Variants in FLT1 observed in about 807,000 individuals in gnomAD.
The protein encoded by FLT1 is fms related receptor tyrosine kinase 1, also known as vascular endothelial growth factor receptor 1.
In FLT1, 49 loss-of-function variants were observed where a neutral mutation model predicts 156.3. That is an observed-to-expected ratio of 0.31 (90% CI 0.25 to 0.40). The LOEUF (loss-of-function observed/expected upper bound fraction) is 0.40, where lower values mean the gene tolerates loss of function less well. FLT1 is among the 10% of genes least tolerant of loss of function. The pLI is 1.00. For synonymous variants in FLT1, 594 were observed against 583.8 expected, an observed-to-expected ratio of 1.02 and a Z score of -0.25; for missense variants, 1,322 against 1,637.2, an observed-to-expected ratio of 0.81 and a Z score of 3.32.
intron 1 of FLT1, among the ~76,000 whole-genome samples, chr13:28,482,101 G>A (rs966675695): frequency 4.6e-5 from 7 of 152,084 alleles, no homozygotes; most frequent in Non-Finnish European, 1.0e-4. Flanking sequence ...CTATAAAATC[G>A]GGATCAGGAG....
In FLT1 at chr13:28,396,964, G is replaced by C; in HGVS notation, c.1656C>G (p.Ile552Met). 6.4e-7 allele frequency: 1 copy of C among 1,566,580 alleles called. No homozygotes were observed. The highest frequency in any genetic ancestry group is 8.8e-7 in the Non-Finnish European group (1 of 1,136,686). ...GTVGRNISFY[I>M]TDVPNGFHVN... ...GTTATAGGATGTGTGGCTTACCTGT[G>C]ATATAAAAGCTTATGTTTCTTCCCA... Residue 552 changes from isoleucine to methionine, a missense_variant, in exon 12 of 30, where the codon ATC becomes ATG. Physicochemically the swap from Ile to Met is conservative, Grantham distance 10 (BLOSUM62 1). Transcript: ENST00000282397.
chr13:28,333,244 CTGGAGACTTTG>C, intron 18 of FLT1, among the ~76,000 whole-genome samples: 1 of 152,314 alleles, frequency 6.6e-6, no homozygotes, highest in South Asian at 2.1e-4. Context: ...CAGCAGTATC[CTGGAGACTTTG>C]GAAAGTTAAA....
intron 12 of FLT1, among the ~76,000 whole-genome samples, chr13:28,395,068 T>C (rs1246452275): frequency 2.0e-5 from 3 of 152,168 alleles, no homozygotes; most frequent in Non-Finnish European, 4.4e-5. Context: ...TTAGTTTTTC[T>C]GCACGGCCAG....
chr13:28,384,160 G>A (rs1333956823), intron 14 of FLT1, among the ~76,000 whole-genome samples: 6 of 152,148 alleles, frequency 3.9e-5, no homozygotes, highest in South Asian at 2.1e-4. Flanking sequence ...CTGGCCAGAC[G>A]CAGTGGCATG....
chr13:28,399,267 T>A (rs1875273968), intron 11 of FLT1: 1 of 505,120 alleles, frequency 2.0e-6, no homozygotes, highest in South Asian at 4.3e-5. Context: ...TCCAGCACTG[T>A]TTTTTTTATG....
chr13:28,451,571 G>T (rs982052293), intron 3 of FLT1, among the ~76,000 whole-genome samples: 5 of 152,104 alleles, frequency 3.3e-5, no homozygotes, highest in Admixed American at 2.6e-4. Flanking sequence ...TGGGTTTTCC[G>T]AGAGGACAGC....
chr13:28,358,619 G>C (rs138203644), intron 14 of FLT1, among the ~76,000 whole-genome samples: 1 of 152,220 alleles, frequency 6.6e-6, no homozygotes, highest in East Asian at 1.9e-4. Context: ...CCATCAGTTC[G>C]TGTTACAAAA....
Position 28,317,523 on chromosome 13 carries a change from C to T in FLT1, c.3361G>A (p.Ala1121Thr). ...SRLREGMRMR[A>T]PEYSTPEIYQ... ...ATTTCAGGAGTAGAGTACTCAGGAGCTCTCATCCTCATGCCTTCCCTCAGG... is the reference window on the plus strand; with the variant it reads ...ATTTCAGGAGTAGAGTACTCAGGAGTTCTCATCCTCATGCCTTCCCTCAGG... Residue 1121 changes from alanine to threonine, a missense_variant, in exon 25 of 30, where the codon GCT becomes ACT. Around this residue, in one of 3 missense-constraint regions of FLT1, gnomAD observed 329 missense variants for 366.2 expected, o/e 0.90. Transcript: ENST00000282397. The T allele has an allele frequency of 6.2e-7, 1 of 1,613,052 alleles. No individual in the cohort carries two copies. Among genetic ancestry groups the T allele is most frequent in the Non-Finnish European group, 8.5e-7 (1 of 1,179,156 alleles).
rs1227414613 is a variant in FLT1 at position 28,494,871 on chromosome 13, G to A, written c.-28C>T. On this transcript the variant is annotated 5_prime_UTR_variant, in exon 1 of 30. Transcript: ENST00000282397. Reference sequence around the variant, plus strand: ...TGAGCGCGACGCGGCCTGCTCGCCCGGTGCCCGCGCTCCCCGCGGCCAACG... The same window carrying A: ...TGAGCGCGACGCGGCCTGCTCGCCCAGTGCCCGCGCTCCCCGCGGCCAACG... 5.3e-6 allele frequency: 8 copies of A among 1,515,924 alleles called. No individual in the cohort carries two copies. The highest frequency in any genetic ancestry group is 5.4e-5 in the East Asian group (2 of 37,338). 93.9% of individuals were successfully genotyped at this position (1,515,924 alleles called of 1,614,324 possible).
intron 10 of FLT1, among the ~76,000 whole-genome samples, chr13:28,426,833 A>C (rs1009097420): frequency 2.0e-5 from 3 of 152,224 alleles, no homozygotes; most frequent in Non-Finnish European, 4.4e-5. Flanking sequence ...GTATTGCCAA[A>C]GTCTAGGGAT....
chr13:28,470,711 A>T (rs1880120100), intron 1 of FLT1, among the ~76,000 whole-genome samples: 1 of 152,060 alleles, frequency 6.6e-6, no homozygotes. Context: ...TATTTTTGAG[A>T]TGGAGTTTTG....
chr13:28,331,492 G>A (rs531980520), intron 18 of FLT1, among the ~76,000 whole-genome samples: 3 of 152,268 alleles, frequency 2.0e-5, no homozygotes, highest in Admixed American at 6.5e-5. Context: ...GTGCAGTGGC[G>A]TGATCTTAGC....
chr13:28,329,876 CTGT>C, intron 18 of FLT1, 148 bp from the exon 19 acceptor site: 1 of 719,664 alleles, frequency 1.4e-6, no homozygotes, highest in Non-Finnish European at 2.5e-6. Flanking sequence ...AGTCTCCAGA[CTGT>C]TTTCATTACT....
At chr13:28,388,837 T>G in intron 13 of FLT1, 1 of 1,062,030 alleles carries the variant, frequency 9.4e-7, no homozygotes, top group Non-Finnish European at 1.1e-6. Context: ...CATGATGAAG[T>G]TCCTTAAAAT....
At chr13:28,373,803 G>A (rs1167213004) in intron 14 of FLT1, among the ~76,000 whole-genome samples, 1 of 152,152 alleles carries the variant, frequency 6.6e-6, no homozygotes, top group Non-Finnish European at 1.5e-5. Context: ...GCCTCTGAGA[G>A]ATCTCTGGGA....
chr13:28,390,119 T>C lies in FLT1; in HGVS notation c.1661-15A>G, dbSNP rs752741868. On this transcript the variant is annotated splice_polypyrimidine_tract_variant and intron_variant, in intron 12 of 29. Coordinates refer to ENST00000282397, the MANE Select transcript of FLT1 (RefSeq NM_002019.4). Reference sequence around the variant, plus strand: ...ATTTGGCACATCTATAAAATAAGAATAAAGAACTTCAGTTCACAGAAAAAT... The same window carrying C: ...ATTTGGCACATCTATAAAATAAGAACAAAGAACTTCAGTTCACAGAAAAAT... 1.9e-6 allele frequency: 3 copies of C among 1,609,948 alleles called. No individual in the cohort carries two copies. The highest frequency in any genetic ancestry group is 2.5e-6 in the Non-Finnish European group (3 of 1,176,488).
chr13:28,318,638 C>T (rs1234145220), intron 24 of FLT1, among the ~76,000 whole-genome samples: 1 of 152,184 alleles, frequency 6.6e-6, no homozygotes, highest in African/African-American at 2.4e-5. Context: ...CAACAGGTGC[C>T]TGTCATCGAA....
chr13:28,377,552 A>ACATG (rs1194046505), intron 14 of FLT1, among the ~76,000 whole-genome samples: 1 of 152,274 alleles, frequency 6.6e-6, no homozygotes, highest in Admixed American at 6.5e-5. Flanking sequence ...TCAGGTAAAT[A>ACATG]CATGCATCAC....
chr13:28,451,807 C>T lies in FLT1; in HGVS notation c.389-13462G>A, dbSNP rs867496793. 1.6e-4 allele frequency among the ~76,000 whole-genome samples: 24 copies of T among 152,300 alleles called. No individual in the cohort carries two copies. The Middle Eastern group carries it at 0.014, about 86-fold the overall frequency. On this transcript the variant is annotated intron_variant, in intron 3 of 29. Coordinates refer to ENST00000282397, the MANE Select transcript of FLT1 (RefSeq NM_002019.4). The stretch of plus-strand genomic sequence containing the variant: ...GTTCCTAAACTCGCGATTTGTTATG[C>T]ATTCATTTGAAATGTTCACACTGGG...
Sources: gnomAD v4.1 joint callset for allele counts (sites outside exome capture counted in the v4.1 genomes callset) on GRCh38, gnomAD v4.1.1 for gene constraint, gnomAD v4.1.1 regional missense constraint, MANE v1.5 for transcripts, NCBI Gene and HGNC (gene_info 2026-07-23, HGNC 2026-07-21) for gene names.